COL5A2: variants seen among roughly 807,000 people sequenced by gnomAD.
COL5A2 encodes the protein collagen type V alpha 2 chain.
In COL5A2, 23 loss-of-function variants were observed where a neutral mutation model predicts 208.2. The ratio of observed to expected loss-of-function variants is 0.11; its 90% CI spans 0.08 to 0.16. The LOEUF is 0.16. COL5A2 is among the 10% of genes least tolerant of loss of function. The pLI, the probability that COL5A2 is intolerant of heterozygous loss-of-function variation, is 1.00. For synonymous variants in COL5A2, 625 were observed against 628.5 expected, an observed-to-expected ratio of 0.99 and a Z score of 0.08; for missense variants, 1,590 against 1,956.4, an observed-to-expected ratio of 0.81 and a Z score of 3.53.
chr2:189,324,493 G>C, the COL5A2 span, among the ~76,000 whole-genome samples: 1 of 152,068 alleles, frequency 6.6e-6, no homozygotes, highest in Non-Finnish European at 1.5e-5. Flanking sequence ...ACCCCATCAA[G>C]AAGTGGGTGA....
At chr2:189,084,985 G>C (rs1686623379) in intron 11 of COL5A2, among the ~76,000 whole-genome samples, 175 bp downstream of exon 11, 1 of 152,132 alleles carries the variant, frequency 6.6e-6, no homozygotes, top group Non-Finnish European at 1.5e-5. Context: ...CGCAAATTAA[G>C]AGCCCTTTTA....
intron 1 of COL5A2, among the ~76,000 whole-genome samples, chr2:189,202,683 G>A (rs1689093606): frequency 6.6e-6 from 1 of 152,102 alleles, no homozygotes. Flanking sequence ...TCACTCTGAG[G>A]AAGATAATAC....
At chr2:189,209,580 TCA>T (rs889362540) in intron 1 of COL5A2, among the ~76,000 whole-genome samples, 15 of 152,214 alleles carry the variant, frequency 9.9e-5, no homozygotes, top group African/African-American at 2.6e-4. Flanking sequence ...AATTTAAACC[TCA>T]GTCTTTTGGT....
At chr2:189,432,470 T>C in the COL5A2 span, among the ~76,000 whole-genome samples, 11 of 151,848 alleles carry the variant, frequency 7.2e-5, no homozygotes, top group Non-Finnish European at 1.5e-5. Context: ...AGGCTCAAAA[T>C]AAAGGGATGG....
At chr2:189,119,114 T>C (rs1687451368) in intron 1 of COL5A2, among the ~76,000 whole-genome samples, 1 of 152,090 alleles carries the variant, frequency 6.6e-6, no homozygotes. Flanking sequence ...GCCATAGTCA[T>C]ACTTGGTATG....
At chr2:189,176,884 C>T (rs1288560066) in intron 1 of COL5A2, among the ~76,000 whole-genome samples, 3 of 152,160 alleles carry the variant, frequency 2.0e-5, no homozygotes, top group Admixed American at 6.6e-5. Context: ...CAAACTTTCT[C>T]CTTTCAGTTT....
the COL5A2 span, among the ~76,000 whole-genome samples, chr2:189,413,550 G>T: frequency 2.1e-4 from 32 of 152,090 alleles, no homozygotes; most frequent in Admixed American, 2.0e-3. Context: ...GGAAGAAGAA[G>T]AATTTTAACA....
chr2:189,035,983 T>C (rs1450734340), intron 52 of COL5A2, among the ~76,000 whole-genome samples: 1 of 152,096 alleles, frequency 6.6e-6, no homozygotes, highest in Non-Finnish European at 1.5e-5. Flanking sequence ...ATTGACTTCA[T>C]AACATTACAA....
the COL5A2 span, among the ~76,000 whole-genome samples, chr2:189,283,847 T>C: frequency 6.6e-6 from 1 of 152,160 alleles, no homozygotes; most frequent in African/African-American, 2.4e-5. Flanking sequence ...TTTTAAAATA[T>C]GAGCCTAAAA....
chr2:189,119,421 T>A (rs1687457693), intron 1 of COL5A2, among the ~76,000 whole-genome samples: 1 of 152,130 alleles, frequency 6.6e-6, no homozygotes, highest in Non-Finnish European at 1.5e-5. Context: ...ATACAAAGAA[T>A]GAATCGGAGA....
chr2:189,104,863 T>A (rs4667262), intron 2 of COL5A2, among the ~76,000 whole-genome samples: 145,399 of 151,860 alleles, frequency 0.96, 69,707 homozygotes, highest in Non-Finnish European at 0.98. Flanking sequence ...TATCACATAG[T>A]TCATTAAATC....
At position 189,098,717 on chromosome 2, in the gene COL5A2, A is replaced by G; in HGVS notation, c.402+10T>C. 1 of 1,608,178 alleles carries G rather than the reference A, an allele frequency of 6.2e-7. No individual in the cohort carries two copies. Among genetic ancestry groups the G allele is most frequent in the Non-Finnish European group, 8.5e-7 (1 of 1,174,688 alleles). Reference sequence around the variant, plus strand: ...CAAGAGTACCAAGAATATTGGGAGAAACTACTTACTGCCGGTCCTGGACGA... The same window carrying G: ...CAAGAGTACCAAGAATATTGGGAGAGACTACTTACTGCCGGTCCTGGACGA... On this transcript the variant is annotated intron_variant, in intron 5 of 53. Transcript: ENST00000374866.
chr2:189,180,957 C>T (rs1024546183), upstream of COL5A2, among the ~76,000 whole-genome samples: 1 of 152,252 alleles, frequency 6.6e-6, no homozygotes, highest in South Asian at 2.1e-4. Context: ...TATTGGGCAA[C>T]AGGTGCCTTG....
intron 42 of COL5A2, 22 bp downstream of exon 42, chr2:189,051,298 G>A: frequency 1.2e-6 from 2 of 1,613,980 alleles, no homozygotes; most frequent in South Asian, 1.1e-5. Flanking sequence ...AAGGTGGTCT[G>A]GAACGGATAC....
At chr2:189,151,605 T>G (rs1269044991) in intron 1 of COL5A2, among the ~76,000 whole-genome samples, 1 of 152,204 alleles carries the variant, frequency 6.6e-6, no homozygotes, top group Non-Finnish European at 1.5e-5. Context: ...CCCTCTTCCA[T>G]GATAAGTTGC....
chr2:189,230,962 GGT>G, the COL5A2 span, among the ~76,000 whole-genome samples: 1 of 151,810 alleles, frequency 6.6e-6, no homozygotes, highest in South Asian at 2.1e-4. Flanking sequence ...AAAAAATGTA[GGT>G]GTATACATAC....
chr2:189,239,350 C>T, the COL5A2 span, among the ~76,000 whole-genome samples: 1 of 151,828 alleles, frequency 6.6e-6, no homozygotes, highest in African/African-American at 2.4e-5. Context: ...GATCAAGAAC[C>T]TTGAGATGGA....
intron 7 of COL5A2, among the ~76,000 whole-genome samples, chr2:189,091,680 A>C (rs1326007003): frequency 6.6e-6 from 1 of 152,212 alleles, no homozygotes; most frequent in African/African-American, 2.4e-5. Context: ...AAAAATTCAC[A>C]TAACTCACTT....
At chr2:189,090,082 T>C (rs1686751360) in intron 7 of COL5A2, among the ~76,000 whole-genome samples, 1 of 152,226 alleles carries the variant, frequency 6.6e-6, no homozygotes, top group Non-Finnish European at 1.5e-5. Context: ...GCTAGACCTC[T>C]TGCAGCAAAC....
Sources: gnomAD v4.1 joint callset for allele counts (sites outside exome capture counted in the v4.1 genomes callset) on GRCh38, gnomAD v4.1.1 for gene constraint, MANE v1.5 for transcripts, NCBI Gene and HGNC (gene_info 2026-07-23, HGNC 2026-07-21) for gene names.